RASEF: variants seen among roughly 807,000 people sequenced by gnomAD.
RASEF encodes the protein ras and EF-hand domain-containing protein.
RASEF carries 68 observed loss-of-function variants against 90.1 expected under a neutral mutation model. The observed-to-expected ratio is 0.75, with a 90% CI of 0.62 to 0.92. RASEF has a LOEUF of 0.92. Ranked by LOEUF, RASEF falls within the 40% of genes least tolerant of loss-of-function variation. The probability of loss-of-function intolerance (pLI) is 0.00; values close to 1 mark genes in which losing one functional copy is unlikely to be tolerated. For missense variants in RASEF, 949 were observed against 937.2 expected, an observed-to-expected ratio of 1.01 and a Z score of -0.16; for synonymous variants, 331 against 345.2, an observed-to-expected ratio of 0.96 and a Z score of 0.46.
the RASEF span, among the ~76,000 whole-genome samples, chr9:83,103,631 GAC>G: frequency 1.3e-5 from 2 of 151,916 alleles, no homozygotes; most frequent in Non-Finnish European, 2.9e-5. Context: ...CAGGGTGAAA[GAC>G]ACAGAAAAAA....
chr9:83,036,375 A>C (rs1046163225), intron 1 of RASEF, among the ~76,000 whole-genome samples: 8 of 152,248 alleles, frequency 5.3e-5, no homozygotes, highest in Admixed American at 1.3e-4. Flanking sequence ...CGTGTGGTCA[A>C]GTCAGTGGGA....
At chr9:83,085,713 T>A in the RASEF span, among the ~76,000 whole-genome samples, 1 of 151,978 alleles carries the variant, frequency 6.6e-6, no homozygotes, top group Admixed American at 6.6e-5. Context: ...TCACCTGAGG[T>A]CAGGAGTTCA....
intron 13 of RASEF, among the ~76,000 whole-genome samples, chr9:82,997,675 A>G (rs921915442): frequency 2.0e-5 from 3 of 152,172 alleles, no homozygotes; most frequent in Non-Finnish European, 2.9e-5. Flanking sequence ...GCAATATTTT[A>G]TAAGTATTTT....
chr9:83,017,268 G>A (rs1382468669), intron 3 of RASEF, among the ~76,000 whole-genome samples: 1 of 150,922 alleles, frequency 6.6e-6, no homozygotes, highest in Non-Finnish European at 1.5e-5. Context: ...GGTGGATCAC[G>A]AGGTCAGGAG....
chr9:83,204,563 C>T, the RASEF span, among the ~76,000 whole-genome samples: 1 of 152,134 alleles, frequency 6.6e-6, no homozygotes, highest in Non-Finnish European at 1.5e-5. Context: ...GAGAATTGGA[C>T]CACTTACACT....
chr9:83,088,946 GT>G, the RASEF span, among the ~76,000 whole-genome samples: 2 of 151,944 alleles, frequency 1.3e-5, no homozygotes, highest in Admixed American at 1.3e-4. Context: ...GATGTTACAT[GT>G]GCCATTTTGC....
At chr9:83,198,525 T>C in the RASEF span, among the ~76,000 whole-genome samples, 1 of 152,154 alleles carries the variant, frequency 6.6e-6, no homozygotes, top group Non-Finnish European at 1.5e-5. Flanking sequence ...TTTTGTTAAC[T>C]CACTGGACTG....
chr9:83,136,519 T>C, the RASEF span, among the ~76,000 whole-genome samples: 4 of 152,108 alleles, frequency 2.6e-5, no homozygotes, highest in African/African-American at 9.7e-5. Flanking sequence ...CAAATTACCA[T>C]ATTACCTTCC....
At chr9:83,102,041 A>G in the RASEF span, among the ~76,000 whole-genome samples, 2 of 151,890 alleles carry the variant, frequency 1.3e-5, no homozygotes, top group East Asian at 1.9e-4. Context: ...ACAAACAAAA[A>G]GCACAAAATG....
the RASEF span, among the ~76,000 whole-genome samples, chr9:83,203,089 A>AT: frequency 2.6e-5 from 4 of 152,182 alleles, no homozygotes; most frequent in African/African-American, 9.7e-5. Flanking sequence ...TAGATATTAT[A>AT]TGCCCCATAT....
the RASEF span, among the ~76,000 whole-genome samples, chr9:83,194,957 C>T: frequency 1.3e-5 from 2 of 152,212 alleles, no homozygotes; most frequent in Non-Finnish European, 2.9e-5. Flanking sequence ...ATGGCCATCT[C>T]TCCAAGGAGA....
At chr9:83,140,400 A>T in the RASEF span, among the ~76,000 whole-genome samples, 5 of 152,226 alleles carry the variant, frequency 3.3e-5, no homozygotes, top group Non-Finnish European at 7.3e-5. Context: ...TGGCTCATAG[A>T]TAGAAAACTA....
intron 15 of RASEF, 151 bp downstream of exon 15, chr9:82,992,755 C>A (rs1400602392): frequency 1.0e-5 from 7 of 678,648 alleles, no homozygotes; most frequent in Non-Finnish European, 1.8e-5. Flanking sequence ...GGAGTCATGG[C>A]AGTTTTGCCT....
In RASEF at chr9:82,982,614, A is replaced by G; in HGVS notation, c.*63T>C. 1.1e-6 allele frequency: 1 copy of G among 950,152 alleles called. No individual in the cohort carries two copies. The highest frequency in any genetic ancestry group is 1.7e-6 in the Non-Finnish European group (1 of 576,544). The allele number at this position is 950,152 out of a possible 1,614,324, so 58.9% of individuals were successfully genotyped here. ...GGATGTGCCACTCTGTTAAGAGCCAAATAAGTCACACAAATTCAGTATTCT... is the reference window on the plus strand; with the variant it reads ...GGATGTGCCACTCTGTTAAGAGCCAGATAAGTCACACAAATTCAGTATTCT... On this transcript the variant is annotated 3_prime_UTR_variant, in exon 17 of 17. Coordinates refer to ENST00000376447, the MANE Select transcript of RASEF (RefSeq NM_152573.4).
At chr9:83,163,583 A>C in the RASEF span, among the ~76,000 whole-genome samples, 4 of 152,202 alleles carry the variant, frequency 2.6e-5, no homozygotes, top group African/African-American at 9.6e-5. Flanking sequence ...ACAGAAATGA[A>C]GAATGCCTTT....
the RASEF span, among the ~76,000 whole-genome samples, chr9:83,164,347 G>GTGTGTATATATATATATATATATATA: frequency 8.0e-4 from 104 of 129,932 alleles, 1 homozygote; most frequent in Admixed American, 1.4e-3. Flanking sequence ...GTATATGTGT[G>GTGTGTATATATATATATATATATATA]TATATATATA....
the RASEF span, among the ~76,000 whole-genome samples, chr9:83,206,431 A>G: frequency 3.9e-5 from 6 of 152,260 alleles, no homozygotes; most frequent in African/African-American, 9.6e-5. Flanking sequence ...CAAGACAGCA[A>G]AATGAATAGA....
At chr9:82,996,766 A>G (rs2118419738) in intron 14 of RASEF, among the ~76,000 whole-genome samples, 1 of 152,272 alleles carries the variant, frequency 6.6e-6, no homozygotes, top group Middle Eastern at 3.4e-3. Context: ...TTTATCTATA[A>G]GAAAACCTAG....
At chr9:83,055,501 TCTTCTGCGTCGCTC>T (rs1360140813) in intron 1 of RASEF, 1 of 689,306 alleles carries the variant, frequency 1.5e-6, no homozygotes. Flanking sequence ...AAATCACCCG[TCTTCTGCGTCGCTC>T]ACGCTGGGAG....
Sources: gnomAD v4.1 joint callset for allele counts (sites outside exome capture counted in the v4.1 genomes callset) on GRCh38, gnomAD v4.1.1 for gene constraint, MANE v1.5 for transcripts, NCBI Gene and HGNC (gene_info 2026-07-23, HGNC 2026-07-21) for gene names.